Variants in COL4A3 observed in about 807,000 individuals in gnomAD.
COL4A3 encodes the protein collagen alpha-3(IV) chain.
In COL4A3, 135 loss-of-function variants were observed where a neutral mutation model predicts 217.4. The observed-to-expected ratio is 0.62, with a 90% CI of 0.54 to 0.72. The LOEUF (loss-of-function observed/expected upper bound fraction) is 0.72, where lower values mean the gene tolerates loss of function less well. COL4A3 is among the 30% of genes least tolerant of loss of function. The probability of loss-of-function intolerance (pLI) is 0.00; values close to 1 mark genes in which losing one functional copy is unlikely to be tolerated. For missense variants in COL4A3, 1,868 were observed against 2,119.9 expected, an observed-to-expected ratio of 0.88 and a Z score of 2.33; for synonymous variants, 690 against 736.3, an observed-to-expected ratio of 0.94 and a Z score of 1.02.
At chr2:227,172,427 C>T (rs946262538) in intron 1 of COL4A3, among the ~76,000 whole-genome samples, 1 of 152,048 alleles carries the variant, frequency 6.6e-6, no homozygotes, top group African/African-American at 2.4e-5. Context: ...CTCATTATAT[C>T]CTCACAAGGT....
rs1559896717 is a variant in COL4A3 at position 227,282,275 on chromosome 2, A to AT, written c.2489-90_2489-89insT. ...AGACAGAGGGAGATTCCATCTTAAA[A>AT]ATATATATATATATATATATATATA... On this transcript the variant is annotated intron_variant, in intron 31 of 51. Coordinates refer to ENST00000396578, the MANE Select transcript of COL4A3 (RefSeq NM_000091.5). The surrounding 1 kb of genome is among the most constrained non-coding windows in gnomAD (Gnocchi z 4.4). The AT allele has an allele frequency of 1.3e-3, 469 of 354,242 alleles. No individual in the cohort carries two copies. Among genetic ancestry groups the AT allele is most frequent in the Middle Eastern group, 1.9e-3 (2 of 1,028 alleles). The allele number at this position is 354,242 out of a possible 1,614,324, so 21.9% of individuals were successfully genotyped here. A position where few individuals can be genotyped will look rare whatever the true frequency, so the allele number is the denominator to read the frequency against.
chr2:227,284,935 C>G (rs1037676460), intron 34 of COL4A3, among the ~76,000 whole-genome samples: 1 of 152,074 alleles, frequency 6.6e-6, no homozygotes, highest in Non-Finnish European at 1.5e-5. Context: ...CTTTTTATGG[C>G]AGTTTTCATG....
chr2:227,204,364 A>T (rs2067018123), intron 1 of COL4A3, among the ~76,000 whole-genome samples: 1 of 151,602 alleles, frequency 6.6e-6, no homozygotes, highest in South Asian at 2.1e-4. Context: ...ATTTCCTTCT[A>T]TTTTTTTCTC....
At position 227,191,994 on chromosome 2, in the gene COL4A3, G is replaced by A. The variant is rs1373358182; in HGVS notation, c.87+27181G>A. Among the ~76,000 whole-genome samples, 2 of 152,184 alleles carry A rather than the reference G, an allele frequency of 1.3e-5. No individual in the cohort carries two copies. The highest frequency in any genetic ancestry group is 2.4e-5 in the African/African-American group (1 of 41,442). On this transcript the variant is annotated intron_variant, in intron 1 of 51. Coordinates refer to ENST00000396578, the MANE Select transcript of COL4A3 (RefSeq NM_000091.5). This position sits in a 1 kb window ranked among gnomAD's most constrained non-coding sequence, Gnocchi z 6.8. Reference sequence around the variant, plus strand: ...TTTCCTTAAATTTCTCTGTGAATGTGTACAGTGAATTTCTTCATCTCTAAA... The same window carrying A: ...TTTCCTTAAATTTCTCTGTGAATGTATACAGTGAATTTCTTCATCTCTAAA...
rs2125936511 is a variant in COL4A3 at position 227,254,711 on chromosome 2, T to C, written c.884T>C (p.Leu295Pro). 3.1e-6 allele frequency: 5 copies of C among 1,612,366 alleles called. No homozygotes were observed. The highest frequency in any genetic ancestry group is 4.2e-6 in the Non-Finnish European group (5 of 1,178,410). ...SEKGAPGDPG[L>P]QGKPGKDGVP... is the part of the protein sequence containing the mutation. Reference sequence around the variant, plus strand: ...AAGGGTGCTCCTGGAGACCCTGGCCTGCAGGTAAATTTGGAAATTCGGTGT... The same window carrying C: ...AAGGGTGCTCCTGGAGACCCTGGCCCGCAGGTAAATTTGGAAATTCGGTGT... Residue 295 changes from leucine to proline, a missense_variant, in exon 15 of 52, where the codon CTG becomes CCG. Leu to Pro is a moderately conservative substitution (Grantham distance 98, BLOSUM62 -3). Coordinates refer to ENST00000396578, the MANE Select transcript of COL4A3 (RefSeq NM_000091.5).
intron 21 of COL4A3, chr2:227,266,040 A>G (rs1398293258): frequency 1.3e-5 from 3 of 236,962 alleles, no homozygotes; most frequent in South Asian, 6.0e-5. Context: ...TGATTAAATT[A>G]CCTCCCACCA....
chr2:227,252,675 C>T (rs965373163), intron 11 of COL4A3, among the ~76,000 whole-genome samples: 1 of 151,452 alleles, frequency 6.6e-6, no homozygotes, highest in Non-Finnish European at 1.5e-5. Flanking sequence ...GTGAATTTTC[C>T]AATAGACAGT....
At chr2:227,288,558 C>G (rs2072481382) in intron 34 of COL4A3, among the ~76,000 whole-genome samples, 1 of 152,138 alleles carries the variant, frequency 6.6e-6, no homozygotes, top group East Asian at 1.9e-4. Flanking sequence ...CTTTGACTTA[C>G]CTAATACTTT....
intron 20 of COL4A3, among the ~76,000 whole-genome samples, chr2:227,262,308 A>AAAAC (rs954638250): frequency 9.2e-5 from 14 of 152,266 alleles, no homozygotes; most frequent in African/African-American, 2.4e-4. Flanking sequence ...TAAAAAAAAC[A>AAAAC]AAACAAACAA....
rs916428809 is a variant in COL4A3 at position 227,164,958 on chromosome 2, G to A, written c.87+145G>A. 1.4e-5 allele frequency: 15 copies of A among 1,054,822 alleles called. No individual in the cohort carries two copies. The highest frequency in any genetic ancestry group is 3.2e-4 in the Middle Eastern group (1 of 3,108). The allele number at this position is 1,054,822 out of a possible 1,614,324, so 65.3% of individuals were successfully genotyped here. A position where few individuals can be genotyped will look rare whatever the true frequency, so the allele number is the denominator to read the frequency against. ...AGGCTGAGGGCTTCACGCAGGTCCC[G>A]GGACAGGCAGCGAGCGGAAGGGAGC... is the stretch of plus-strand genomic sequence containing the variant. On this transcript the variant is annotated intron_variant, in intron 1 of 51. Coordinates refer to ENST00000396578, the MANE Select transcript of COL4A3 (RefSeq NM_000091.5). This position sits in a 1 kb window ranked among gnomAD's most constrained non-coding sequence, Gnocchi z 4.8.
At position 227,270,931 on chromosome 2, in the gene COL4A3, A is replaced by G; in HGVS notation, c.1737A>G (p.Leu579=). ...CTGGAACTCCGGGAGTGAAAGGATT[A>G]CCAGGACCTAAAGGCGAACTGGTTG... ...GIPGTPGVKG[L]PGPKGELALS... is the part of the protein sequence containing the mutation. The change falls in exon 25 of 52, where the codon TTA becomes TTG. Residue 579 remains leucine (L), a synonymous_variant. Coordinates refer to ENST00000396578, the MANE Select transcript of COL4A3 (RefSeq NM_000091.5). The G allele has an allele frequency of 1.2e-6, 2 of 1,614,166 alleles. No homozygotes were observed. Among genetic ancestry groups the G allele is most frequent in the South Asian group, 1.1e-5 (1 of 91,078 alleles).
chr2:227,177,695 T>C (rs2065728664), intron 1 of COL4A3, among the ~76,000 whole-genome samples: 1 of 152,196 alleles, frequency 6.6e-6, no homozygotes, highest in African/African-American at 2.4e-5. Context: ...AAGTTTTAAA[T>C]TGTGCACCGT....
chr2:227,298,851 A>G, intron 43 of COL4A3, 39 bp downstream of exon 43: 1 of 1,563,082 alleles, frequency 6.4e-7, no homozygotes, highest in South Asian at 1.1e-5. Context: ...TATTAATTCA[A>G]TATCAACTTA....
chr2:227,178,239 G>A (rs1476316840), intron 1 of COL4A3, among the ~76,000 whole-genome samples: 6 of 151,848 alleles, frequency 4.0e-5, no homozygotes, highest in Non-Finnish European at 7.4e-5. Context: ...AAAATTAGCC[G>A]GGCATGGTGG....
chr2:227,308,234 C>T (rs1457594391), intron 48 of COL4A3, among the ~76,000 whole-genome samples: 1 of 152,122 alleles, frequency 6.6e-6, no homozygotes, highest in Non-Finnish European at 1.5e-5. Context: ...CTTTTTCACA[C>T]AGGGTCTCAC....
intron 47 of COL4A3, 130 bp downstream of exon 47, chr2:227,305,213 A>C: frequency 1.3e-6 from 1 of 772,148 alleles, no homozygotes; most frequent in Non-Finnish European, 2.2e-6. Flanking sequence ...ACCAAAGGCC[A>C]AGGATCAAAT....
At chr2:227,174,997 G>A (rs7599903) in intron 1 of COL4A3, among the ~76,000 whole-genome samples, 4,849 of 152,248 alleles carry the variant, frequency 0.032, 246 homozygotes, top group African/African-American at 0.11. Flanking sequence ...TGCAGGAGAG[G>A]ATGGGGTGTG....
chr2:227,190,735 C>T (rs533817616), intron 1 of COL4A3, among the ~76,000 whole-genome samples: 21 of 152,202 alleles, frequency 1.4e-4, no homozygotes, highest in South Asian at 6.2e-4. Flanking sequence ...GGCGAAACCT[C>T]GTCTCTACAA....
chr2:227,284,418 G>A lies in COL4A3; in HGVS notation c.2881+73G>A, dbSNP rs764667395. 61 of 1,534,568 alleles carry A rather than the reference G, an allele frequency of 4.0e-5. No individual in the cohort carries two copies. In the African/African-American group the frequency reaches 6.4e-4, roughly 16 times the overall value. ...GCTAATAAATTATCCAGGCAAATCC[G>A]TTTGGTTGACAAATAAGGACAGTGA... On this transcript the variant is annotated intron_variant, in intron 34 of 51. Coordinates refer to ENST00000396578, the MANE Select transcript of COL4A3 (RefSeq NM_000091.5).
Sources: gnomAD v4.1 joint callset for allele counts (sites outside exome capture counted in the v4.1 genomes callset) on GRCh38, gnomAD v4.1.1 for gene constraint, Gnocchi (gnomAD v3.1) non-coding constraint, MANE v1.5 for transcripts, NCBI Gene and HGNC (gene_info 2026-07-23, HGNC 2026-07-21) for gene names.